NEXN: variants seen among roughly 807,000 people sequenced by gnomAD.
NEXN encodes nexilin.
A neutral mutation model predicts 92.6 loss-of-function variants in NEXN; 65 were observed. That is an observed-to-expected ratio of 0.70 (90% CI 0.57 to 0.86). The LOEUF is 0.86. Ranked by LOEUF, NEXN falls within the 40% of genes least tolerant of loss-of-function variation. NEXN has a pLI of 0.00. For missense variants in NEXN, 778 were observed against 771.1 expected (o/e 1.01, Z -0.11); for synonymous variants, 254 against 242.5 (o/e 1.05, Z -0.44).
In NEXN at chr1:77,942,695, G is replaced by C. The variant is rs370965740; in HGVS notation, c.1894G>C (p.Glu632Gln). ...LQDGEDYQYI[E>Q]RGETYCLYLP... ...GGATGGAGAAGACTATCAATATATT[G>C]AAAGGGGAGAAACTTACTGCCTTTA... The change falls in exon 13 of 13, where the codon GAA becomes CAA. Residue 632 changes from glutamate to glutamine, a missense_variant. By Grantham distance (29) the Glu-to-Gln change is conservative (BLOSUM62 2). Transcript: ENST00000334785. 58 of 1,613,628 alleles carry C rather than the reference G, an allele frequency of 3.6e-5. No individual in the cohort carries two copies. Among genetic ancestry groups the C allele is most frequent in the Middle Eastern group, 1.6e-4 (1 of 6,084 alleles).
rs776291626 is a variant in NEXN at position 77,935,855 on chromosome 1, CA to C, written c.1285del (p.Arg429GlufsTer6). The C allele has an allele frequency of 6.2e-7, 1 of 1,612,892 alleles. No individual in the cohort carries two copies. Among genetic ancestry groups the C allele is most frequent in the South Asian group, 1.1e-5 (1 of 90,986 alleles). Reference protein sequence around the residue: ...EEENETFGLSREYEELIKLKR... With the variant: ...EEENETFGLSXEYEELIKLKR... ...AAGAAAATGAAACCTTTGGATTGAG[CA>C]GAGAATATGAAGAACTGATCAAATT... On this transcript the variant is annotated frameshift_variant, in exon 11 of 13. Coordinates refer to ENST00000334785, the MANE Select transcript of NEXN (RefSeq NM_144573.4). LOFTEE classifies it high-confidence loss of function.
intron 1 of NEXN, among the ~76,000 whole-genome samples, chr1:77,912,995 T>C (rs1395756356): frequency 6.6e-6 from 1 of 152,034 alleles, no homozygotes; most frequent in South Asian, 2.1e-4. Context: ...GTGAAAAGAA[T>C]TAAAAAATAA....
chr1:77,943,000 A>G lies in NEXN; in HGVS notation c.*171A>G. 2.4e-6 allele frequency: 2 copies of G among 836,734 alleles called. No homozygotes were observed. Among genetic ancestry groups the G allele is most frequent in the Non-Finnish European group, 2.0e-6 (1 of 511,836 alleles). The allele number at this position is 836,734 out of a possible 1,614,324, so 51.8% of individuals were successfully genotyped here. ...TTCTGTGGCGGGGCCAAAAAAGGAA[A>G]CCAGGAGTGCCACTATGCTGACTTC... is the stretch of plus-strand genomic sequence containing the variant. On this transcript the variant is annotated 3_prime_UTR_variant, in exon 13 of 13. Transcript: ENST00000334785.
rs944329255 is a variant in NEXN at position 77,888,634 on chromosome 1, C to T, written c.-178C>T. The T allele has an allele frequency of 3.5e-5, 6 of 172,552 alleles. No individual in the cohort carries two copies. The highest frequency in any genetic ancestry group is 6.1e-5 in the Non-Finnish European group (5 of 81,982). 10.7% of individuals were successfully genotyped at this position (172,552 alleles called of 1,614,324 possible). A position where few individuals can be genotyped will look rare whatever the true frequency, so the allele number is the denominator to read the frequency against. On this transcript the variant is annotated 5_prime_UTR_variant, in exon 1 of 13. Transcript: ENST00000334785. ...GGCGGCGGCAGCGGCAGCCAGAGGACTCCCAGCGGCTGGAGCAGAAGTGTT... is the reference window on the plus strand; with the variant it reads ...GGCGGCGGCAGCGGCAGCCAGAGGATTCCCAGCGGCTGGAGCAGAAGTGTT...
intron 11 of NEXN, among the ~76,000 whole-genome samples, chr1:77,940,459 C>A (rs1477968789): frequency 3.3e-5 from 5 of 152,162 alleles, no homozygotes; most frequent in Non-Finnish European, 7.4e-5. Flanking sequence ...TTGTACTTGA[C>A]TGCAGAACTG....
chr1:77,911,001 C>T lies in NEXN; in HGVS notation c.-52-5054C>T, dbSNP rs183232007. ...TACAGACACACACCACCAGGCCTGG[C>T]TAATTTTTAAATTTTTTGTAGAGAT... On this transcript the variant is annotated intron_variant, in intron 1 of 12. Coordinates refer to ENST00000334785, the MANE Select transcript of NEXN (RefSeq NM_144573.4). Among the ~76,000 whole-genome samples, 502 of 151,900 alleles carry T rather than the reference C, an allele frequency of 3.3e-3. 2 individuals carry two copies. Among genetic ancestry groups the T allele is most frequent in the Non-Finnish European group, 3.3e-3 (222 of 67,956 alleles).
rs550927179 is a variant in NEXN, at chr1:77,911,739, T to A, written c.-52-4316T>A. Among the ~76,000 whole-genome samples, 143 of 148,496 alleles carry A rather than the reference T, an allele frequency of 9.6e-4. No individual in the cohort carries two copies. In the East Asian group the frequency reaches 0.024, roughly 24 times the overall value. Reference sequence around the variant, plus strand: ...GGTCCTATCCCCAAGATAGCCTGTTTTATATATATATATATATATATACAC... The same window carrying A: ...GGTCCTATCCCCAAGATAGCCTGTTATATATATATATATATATATATACAC... On this transcript the variant is annotated intron_variant, in intron 1 of 12. Coordinates refer to ENST00000334785, the MANE Select transcript of NEXN (RefSeq NM_144573.4).
intron 1 of NEXN, among the ~76,000 whole-genome samples, chr1:77,890,758 G>A (rs1647088271): frequency 6.6e-6 from 1 of 151,988 alleles, no homozygotes; most frequent in Non-Finnish European, 1.5e-5. Flanking sequence ...AAAAAAAAGG[G>A]GGATTATTTA....
chr1:77,893,076 A>C (rs1227552813), intron 1 of NEXN, among the ~76,000 whole-genome samples: 1 of 151,994 alleles, frequency 6.6e-6, no homozygotes, highest in Non-Finnish European at 1.5e-5. Flanking sequence ...TATGTTGCCT[A>C]GGCTTGTCTC....
intron 9 of NEXN, chr1:77,931,774 T>C (rs1037452133): frequency 6.6e-6 from 1 of 152,168 alleles, no homozygotes; most frequent in South Asian, 2.1e-4. Context: ...AAACATTGTT[T>C]CTGAGTTGAA....
rs1358956945 is a variant in NEXN at position 77,943,577 on chromosome 1, CGTAT to C, written c.*752_*755del. On this transcript the variant is annotated 3_prime_UTR_variant, in exon 13 of 13. Transcript: ENST00000334785. ...GATATTAAACATGTTATTTTTCAAA[CGTAT>C]GTAATATATATTAAATTTATAAAGC... The C allele has an allele frequency of 6.6e-6, 1 of 151,900 alleles. No homozygotes were observed. Among genetic ancestry groups the C allele is most frequent in the Non-Finnish European group, 1.5e-5 (1 of 67,936 alleles). 9.4% of individuals were successfully genotyped at this position (151,900 alleles called of 1,614,324 possible).
In NEXN at chr1:77,917,636, A is replaced by G. The variant is rs771890063; in HGVS notation, c.98A>G (p.Asp33Gly). ...AAACTTGGCAAGGGTGATGTAAAGG[A>G]TAAGTTTGAAGCCATGCAGAGAGCC... is the stretch of plus-strand genomic sequence containing the variant. Reference protein sequence around the residue: ...VPKLGKGDVKDKFEAMQRARE... With the variant: ...VPKLGKGDVKGKFEAMQRARE... Residue 33 changes from aspartate (D) to glycine (G), a missense_variant, in exon 3 of 13, where the codon GAT becomes GGT. By Grantham distance (94) the Asp-to-Gly change is moderately conservative (BLOSUM62 -1). Around this residue, in one of 3 missense-constraint regions of NEXN, gnomAD observed 236 missense variants for 265.6 expected, o/e 0.89. Transcript: ENST00000334785. 4 of 1,613,524 alleles carry G rather than the reference A, an allele frequency of 2.5e-6. No individual in the cohort carries two copies. The African/African-American group carries it at 4.0e-5, about 16-fold the overall frequency.
intron 9 of NEXN, among the ~76,000 whole-genome samples, chr1:77,931,319 A>G (rs997807934): frequency 2.1e-5 from 3 of 143,864 alleles, no homozygotes; most frequent in Non-Finnish European, 4.5e-5. Context: ...AGGCTGAGGC[A>G]GGAGAATCGC....
intron 1 of NEXN, among the ~76,000 whole-genome samples, chr1:77,889,977 C>G (rs1410464409): frequency 1.3e-5 from 2 of 152,132 alleles, no homozygotes; most frequent in African/African-American, 4.8e-5. Context: ...CACATAATTT[C>G]CCCCGCTAAA....
chr1:77,918,960 T>C (rs1049660170), intron 5 of NEXN, among the ~76,000 whole-genome samples: 7 of 152,192 alleles, frequency 4.6e-5, no homozygotes, highest in African/African-American at 1.4e-4. Flanking sequence ...TTTTAAATGC[T>C]GGTATATTAG....
rs1002648603 is a variant in NEXN at position 77,926,812 on chromosome 1, C to A, written c.784C>A (p.Arg262=). The change falls in exon 8 of 13, where the codon CGA becomes AGA. Residue 262 remains arginine (R), a synonymous_variant. Transcript: ENST00000334785. ...EELERQRQEN[R]KKQAEEEARK... is the part of the protein sequence containing the mutation. The stretch of plus-strand genomic sequence containing the variant: ...ACTGGAGCGACAAAGACAAGAAAAC[C>A]GAAAGAAGCAAGCTGAAGAGGAAGC... 1.9e-6 allele frequency: 3 copies of A among 1,613,566 alleles called. No homozygotes were observed. In the South Asian group the frequency reaches 3.3e-5, roughly 18 times the overall value.
intron 1 of NEXN, among the ~76,000 whole-genome samples, chr1:77,909,275 C>G (rs1489348296): frequency 2.0e-5 from 3 of 152,070 alleles, no homozygotes; most frequent in Non-Finnish European, 2.9e-5. Flanking sequence ...ACAAAATTAG[C>G]TGGGCGTAGT....
intron 11 of NEXN, among the ~76,000 whole-genome samples, chr1:77,939,705 A>C (rs1651091964): frequency 6.6e-6 from 1 of 152,196 alleles, no homozygotes; most frequent in South Asian, 2.1e-4. Context: ...TCCTGAATGG[A>C]GTTTCCTCTG....
At chr1:77,891,598 T>G (rs118011485) in intron 1 of NEXN, among the ~76,000 whole-genome samples, 1 of 152,112 alleles carries the variant, frequency 6.6e-6, no homozygotes, top group East Asian at 1.9e-4. Context: ...TTCTTCCCCT[T>G]CACTCTTTCT....
Sources: gnomAD v4.1 joint callset for allele counts (sites outside exome capture counted in the v4.1 genomes callset) on GRCh38, gnomAD v4.1.1 for gene constraint, gnomAD v4.1.1 regional missense constraint, MANE v1.5 for transcripts, NCBI Gene and HGNC (gene_info 2026-07-23, HGNC 2026-07-21) for gene names.